The following FAM167A variants were observed in gnomAD, a reference collection of about 807,000 sequenced individuals.
FAM167A encodes the protein family with sequence similarity 167 member A.
FAM167A carries 23 observed loss-of-function variants against 14.9 expected under a neutral mutation model. That is an observed-to-expected ratio of 1.55 (90% CI 1.11 to 2.19). The LOEUF (loss-of-function observed/expected upper bound fraction) is 2.19, where lower values mean the gene tolerates loss of function less well. Ranked by LOEUF, FAM167A falls within the 30% of genes most tolerant of loss-of-function variation. The probability of loss-of-function intolerance (pLI) is 0.00; values close to 1 mark genes in which losing one functional copy is unlikely to be tolerated. For missense variants in FAM167A, 401 were observed against 281.5 expected (o/e 1.42, Z -3.04); for synonymous variants, 174 against 117.7 (o/e 1.48, Z -3.10).
intron 1 of FAM167A, among the ~76,000 whole-genome samples, chr8:11,455,444 G>T (rs1458440276): frequency 2.2e-5 from 3 of 133,998 alleles, no homozygotes; most frequent in African/African-American, 8.6e-5. Flanking sequence ...GAGTGTGGGG[G>T]GTGGCTGCTC....
intron 2 of FAM167A, among the ~76,000 whole-genome samples, chr8:11,427,292 G>A (rs1363874721): frequency 6.6e-6 from 1 of 152,190 alleles, no homozygotes; most frequent in Non-Finnish European, 1.5e-5. Context: ...GGAGCTCAGA[G>A]GGCTGGTTTC....
chr8:11,467,223 C>T (rs1807810992), upstream of FAM167A, among the ~76,000 whole-genome samples: 1 of 152,268 alleles, frequency 6.6e-6, no homozygotes, highest in African/African-American at 2.4e-5. Context: ...GTGTAGGCAT[C>T]TCTGGCTGCC....
chr8:11,428,946 A>AT (rs1805376290), intron 2 of FAM167A, among the ~76,000 whole-genome samples: 1 of 152,168 alleles, frequency 6.6e-6, no homozygotes, highest in African/African-American at 2.4e-5. Context: ...TGTTTCTAGA[A>AT]TTTTTTTCTA....
chr8:11,456,113 A>G (rs1585273775), intron 1 of FAM167A, among the ~76,000 whole-genome samples: 2 of 32,866 alleles, frequency 6.1e-5, no homozygotes, highest in Admixed American at 4.1e-4. Flanking sequence ...TGTGTGTGTG[A>G]ATGTGGGAGG....
At chr8:11,448,233 G>C (rs1554528688) in intron 1 of FAM167A, among the ~76,000 whole-genome samples, 1 of 151,902 alleles carries the variant, frequency 6.6e-6, no homozygotes, top group Non-Finnish European at 1.5e-5. Context: ...TTTCAAGACA[G>C]GGACAGCAGA....
At chr8:11,455,768 ATT>A (rs1807235251) in intron 1 of FAM167A, among the ~76,000 whole-genome samples, 1 of 10,046 alleles carries the variant, frequency 1.0e-4, no homozygotes, top group African/African-American at 4.1e-4. Context: ...GTGTGAGTGT[ATT>A]GGGGGTGGTT....
At chr8:11,443,759 A>T in intron 2 of FAM167A, 1 of 416,032 alleles carries the variant, frequency 2.4e-6, no homozygotes. Flanking sequence ...AGGGGGGTAC[A>T]CCTTAACATG....
rs564594491 is a variant in FAM167A, at chr8:11,424,646, A to AGGGG, written c.382-14_382-11dup. 430 of 1,612,562 alleles carry AGGGG rather than the reference A, an allele frequency of 2.7e-4. 3 individuals are homozygous for AGGGG. The African/African-American group carries it at 5.3e-3, about 20-fold the overall frequency. On this transcript the variant is annotated splice_polypyrimidine_tract_variant and intron_variant, in intron 2 of 2. Coordinates refer to ENST00000284486, the MANE Select transcript of FAM167A (RefSeq NM_053279.3). ...GCAGCCGCATCTCCGTCTGGAAGGG[A>AGGGG]GGGGGAGCAGGCAGGGTCAGCAGAG...
intron 2 of FAM167A, among the ~76,000 whole-genome samples, chr8:11,440,158 C>T (rs1220953728): frequency 6.6e-6 from 1 of 152,206 alleles, no homozygotes. Context: ...AGCCAGTGTC[C>T]CAGGAGCAGC....
chr8:11,437,652 G>C (rs1355018443), intron 2 of FAM167A, among the ~76,000 whole-genome samples: 1 of 148,560 alleles, frequency 6.7e-6, no homozygotes, highest in Non-Finnish European at 1.5e-5. Context: ...CAGGTTTATG[G>C]AATCTGAATT....
At chr8:11,465,796 C>T (rs1207390410) in intron 1 of FAM167A, among the ~76,000 whole-genome samples, 1 of 152,196 alleles carries the variant, frequency 6.6e-6, no homozygotes, top group Non-Finnish European at 1.5e-5. Flanking sequence ...TGGGATTCTC[C>T]AGCAATGACG....
intron 1 of FAM167A, among the ~76,000 whole-genome samples, chr8:11,472,848 C>G (rs144956445): frequency 6.6e-6 from 1 of 152,228 alleles, no homozygotes; most frequent in Non-Finnish European, 1.5e-5. Context: ...TTCCATGACA[C>G]TCTGCAATTG....
intron 1 of FAM167A, among the ~76,000 whole-genome samples, chr8:11,451,574 G>C (rs944624403): frequency 1.3e-5 from 2 of 152,200 alleles, no homozygotes; most frequent in African/African-American, 4.8e-5. Flanking sequence ...CAGAACAGCA[G>C]GCAGGCCGTG....
rs1218713780 is a variant in FAM167A, at chr8:11,444,042, T to C, written c.370A>G (p.Arg124Gly). 6.2e-7 allele frequency: 1 copy of C among 1,612,222 alleles called. No individual in the cohort carries two copies. Among genetic ancestry groups the C allele is most frequent in the South Asian group, 1.1e-5 (1 of 91,008 alleles). The change falls in exon 2 of 3, where the codon AGG becomes GGG. Residue 124 changes from arginine to glycine, a missense_variant. Physicochemically the swap from Arg to Gly is moderately radical, Grantham distance 125. Transcript: ENST00000284486. ...GGGCAGCCACTCACCAGTTCCTTCC[T>C]GAGCCAGGCTATAGCTTCATCGATG... Reference protein sequence around the residue: ...QSIDEAIAWLRKELTEMRLQD... With the variant: ...QSIDEAIAWLGKELTEMRLQD...
At chr8:11,432,192 C>T (rs1805653392) in intron 2 of FAM167A, among the ~76,000 whole-genome samples, 1 of 152,106 alleles carries the variant, frequency 6.6e-6, no homozygotes, top group Non-Finnish European at 1.5e-5. Flanking sequence ...TCTCTGATCC[C>T]ACGGACTGAT....
At position 11,426,960 on chromosome 8, in the gene FAM167A, A is replaced by C. The variant is rs192294694; in HGVS notation, c.382-2324T>G. 9.3e-4 allele frequency among the ~76,000 whole-genome samples: 142 copies of C among 152,344 alleles called. 1 individual carries two copies. The highest frequency in any genetic ancestry group is 6.0e-3 in the Admixed American group (92 of 15,298). On this transcript the variant is annotated intron_variant, in intron 2 of 2. Coordinates refer to ENST00000284486, the MANE Select transcript of FAM167A (RefSeq NM_053279.3). The stretch of plus-strand genomic sequence containing the variant: ...CCTTTGTCCCGCACCTGAGAAGATC[A>C]GATGTCAATTTACATTGCCAGGGTG...
At chr8:11,439,585 C>G (rs375393696) in intron 2 of FAM167A, among the ~76,000 whole-genome samples, 1 of 152,158 alleles carries the variant, frequency 6.6e-6, no homozygotes, top group South Asian at 2.1e-4. Context: ...TCTCTAACAG[C>G]CATAAACACC....
chr8:11,450,070 A>T (rs961950620), intron 1 of FAM167A, among the ~76,000 whole-genome samples: 1 of 152,138 alleles, frequency 6.6e-6, no homozygotes, highest in Admixed American at 6.5e-5. Flanking sequence ...TCCATAAGAC[A>T]CAATCTTTCC....
At chr8:11,464,511 C>T (rs1160009231) in intron 1 of FAM167A, among the ~76,000 whole-genome samples, 3 of 152,162 alleles carry the variant, frequency 2.0e-5, no homozygotes, top group African/African-American at 7.2e-5. Flanking sequence ...TCAGTCTGTG[C>T]TTTTCCTTCC....
Sources: gnomAD v4.1 joint callset for allele counts (sites outside exome capture counted in the v4.1 genomes callset) on GRCh38, gnomAD v4.1.1 for gene constraint, MANE v1.5 for transcripts, NCBI Gene and HGNC (gene_info 2026-07-23, HGNC 2026-07-21) for gene names.